Variants in SEPTIN9 observed in about 807,000 individuals in gnomAD.
The protein encoded by SEPTIN9 is septin 9, also known as septin-9.
A neutral mutation model predicts 56.6 loss-of-function variants in SEPTIN9; 13 were observed. The observed-to-expected ratio is 0.23, with a 90% confidence interval of 0.15 to 0.37. The LOEUF (loss-of-function observed/expected upper bound fraction) is 0.37. Among genes scored for constraint, SEPTIN9 ranks in the 10% least tolerant of loss-of-function variants. SEPTIN9 has a pLI of 1.00. For missense variants in SEPTIN9, 650 were observed against 823.1 expected (o/e 0.79, Z 2.57); for synonymous variants, 332 against 334.1 (o/e 0.99, Z 0.07).
chr17:77,437,789 C>T lies in SEPTIN9; in HGVS notation c.721+35086C>T, dbSNP rs1000531928. 6.6e-6 allele frequency among the ~76,000 whole-genome samples: 1 copy of T among 152,236 alleles called. No individual in the cohort carries two copies. The highest frequency in any genetic ancestry group is 6.5e-5 in the Admixed American group (1 of 15,288). On this transcript the variant is annotated intron_variant, in intron 3 of 11. Transcript: ENST00000427177. The surrounding 1 kb of genome is among the most constrained non-coding windows in gnomAD (Gnocchi z 5.3). ...CTGGGGAGGACTTTCTGCTGCCCCC[C>T]AACCCCTTTCGGGTACATTCTCCTG...
intron 3 of SEPTIN9, among the ~76,000 whole-genome samples, chr17:77,459,280 GCC>G (rs1320312994): frequency 6.6e-6 from 1 of 152,230 alleles, no homozygotes; most frequent in Non-Finnish European, 1.5e-5. Context: ...ACTGCCTGGT[GCC>G]ACCTCCCCAG....
At chr17:77,304,032 A>T (rs1354645430) in intron 1 of SEPTIN9, among the ~76,000 whole-genome samples, 1 of 152,242 alleles carries the variant, frequency 6.6e-6, no homozygotes, top group East Asian at 1.9e-4. Flanking sequence ...AAAATCACAT[A>T]AAGATAACTC....
At chr17:77,486,312 C>G (rs2039776327) in intron 4 of SEPTIN9, among the ~76,000 whole-genome samples, 1 of 151,966 alleles carries the variant, frequency 6.6e-6, no homozygotes, top group South Asian at 2.1e-4. Context: ...CTGTGTTGCC[C>G]AGGCTGGTCT....
In SEPTIN9 at chr17:77,487,352, G is replaced by A; in HGVS notation, c.914-72G>A. The stretch of plus-strand genomic sequence containing the variant: ...ACTGGAGAGCCTCGTGCCTGGGTGG[G>A]AGGGGCCCCATGTGCAGACCCTGCT... On this transcript the variant is annotated intron_variant, in intron 4 of 11. Transcript: ENST00000427177. The surrounding 1 kb of genome is among the most constrained non-coding windows in gnomAD (Gnocchi z 4.3). 1 of 1,523,942 alleles carries A rather than the reference G, an allele frequency of 6.6e-7. No individual in the cohort carries two copies. Among genetic ancestry groups the A allele is most frequent in the Non-Finnish European group, 8.9e-7 (1 of 1,123,904 alleles). 94.4% of individuals were successfully genotyped at this position (1,523,942 alleles called of 1,614,324 possible).
chr17:77,351,217 C>T (rs929737067), intron 2 of SEPTIN9, among the ~76,000 whole-genome samples: 2 of 142,206 alleles, frequency 1.4e-5, no homozygotes, highest in South Asian at 2.3e-4. Flanking sequence ...GGCACATGTG[C>T]GCGTGCACAC....
In SEPTIN9 at chr17:77,429,417, C is replaced by T. The variant is rs569039152; in HGVS notation, c.721+26714C>T. ...TCCGCCTGGGCTACAGCGTGCTCGC[C>T]GATTGCATTTGGGGAGGGACTGAGG... On this transcript the variant is annotated intron_variant, in intron 3 of 11. Transcript: ENST00000427177. The surrounding 1 kb of genome is among the most constrained non-coding windows in gnomAD (Gnocchi z 5.2). 4.2e-5 allele frequency: 17 copies of T among 401,182 alleles called. No homozygotes were observed. The highest frequency in any genetic ancestry group is 2.2e-4 in the East Asian group (3 of 13,720). The allele number at this position is 401,182 out of a possible 1,614,324, so 24.9% of individuals were successfully genotyped here. A position where few individuals can be genotyped will look rare whatever the true frequency, so the allele number is the denominator to read the frequency against.
chr17:77,479,041 G>A (rs1422408763), intron 3 of SEPTIN9, among the ~76,000 whole-genome samples: 1 of 152,184 alleles, frequency 6.6e-6, no homozygotes, highest in Non-Finnish European at 1.5e-5. Flanking sequence ...CTGGGGAGTT[G>A]TTTAATGAGG....
At chr17:77,432,787 C>T (rs748915763) in intron 3 of SEPTIN9, among the ~76,000 whole-genome samples, 22 of 152,238 alleles carry the variant, frequency 1.4e-4, no homozygotes, top group Non-Finnish European at 2.1e-4. Flanking sequence ...GAAGGTGGAA[C>T]GCTTTTTCTG....
intron 2 of SEPTIN9, among the ~76,000 whole-genome samples, chr17:77,347,467 A>G (rs1377269752): frequency 6.6e-6 from 1 of 151,922 alleles, no homozygotes; most frequent in East Asian, 1.9e-4. Flanking sequence ...ATGTATTTTG[A>G]AGCTCCTTTG....
rs2036693784 is a variant in SEPTIN9, at chr17:77,421,300, G to C, written c.721+18597G>C. ...TGAAATAAGACACCGCCCGTCTGTGGGGTGAGCAGGAACAGATTGGAACCG... is the reference window on the plus strand; with the variant it reads ...TGAAATAAGACACCGCCCGTCTGTGCGGTGAGCAGGAACAGATTGGAACCG... On this transcript the variant is annotated intron_variant, in intron 3 of 11. Transcript: ENST00000427177. This position sits in a 1 kb window ranked among gnomAD's most constrained non-coding sequence, Gnocchi z 4.6. 6.6e-6 allele frequency among the ~76,000 whole-genome samples: 1 copy of C among 152,206 alleles called. No individual in the cohort carries two copies. The highest frequency in any genetic ancestry group is 1.5e-5 in the Non-Finnish European group (1 of 68,036).
Position 77,319,622 on chromosome 17 carries a change from C to T in SEPTIN9, c.76+12425C>T, listed in dbSNP as rs574365489. The stretch of plus-strand genomic sequence containing the variant: ...TCAGCACGCTGGCCTGGGGCACGGC[C>T]GTTCCTCCTGCCCAGCCACGTTGGG... On this transcript the variant is annotated intron_variant, in intron 2 of 11. Coordinates refer to ENST00000427177, the MANE Select transcript of SEPTIN9 (RefSeq NM_001113491.2). The surrounding 1 kb of genome is among the most constrained non-coding windows in gnomAD (Gnocchi z 5.3). 1.5e-5 allele frequency: 16 copies of T among 1,062,310 alleles called. No individual in the cohort carries two copies. Among genetic ancestry groups the T allele is most frequent in the Middle Eastern group, 8.4e-4 (2 of 2,382 alleles). 65.8% of individuals were successfully genotyped at this position (1,062,310 alleles called of 1,614,324 possible).
rs953400014 is a variant in SEPTIN9 at position 77,317,876 on chromosome 17, C to T, written c.76+10679C>T. 7.9e-5 allele frequency among the ~76,000 whole-genome samples: 12 copies of T among 152,156 alleles called. No individual in the cohort carries two copies. The highest frequency in any genetic ancestry group is 2.9e-4 in the African/African-American group (12 of 41,520). ...GATCAGCCTGGCCAATATGGTGAAA[C>T]CCCGTTTCTACTAAAAATACAAAAA... On this transcript the variant is annotated intron_variant, in intron 2 of 11. Coordinates refer to ENST00000427177, the MANE Select transcript of SEPTIN9 (RefSeq NM_001113491.2). This position sits in a 1 kb window ranked among gnomAD's most constrained non-coding sequence, Gnocchi z 4.2.
At chr17:77,497,751 C>T in intron 11 of SEPTIN9, 1 of 317,328 alleles carries the variant, frequency 3.2e-6, no homozygotes. Flanking sequence ...ACCCCTTTCA[C>T]CTGGCTGAGG....
intron 1 of SEPTIN9, among the ~76,000 whole-genome samples, chr17:77,296,871 G>T (rs2031839929): frequency 6.6e-6 from 1 of 152,060 alleles, no homozygotes; most frequent in Non-Finnish European, 1.5e-5. Flanking sequence ...AAAAAAGATA[G>T]ATAGATGAAT....
intron 1 of SEPTIN9, among the ~76,000 whole-genome samples, chr17:77,283,164 T>TC (rs1232354157): frequency 1.3e-5 from 2 of 148,760 alleles, no homozygotes; most frequent in Non-Finnish European, 3.0e-5. Context: ...GGGTTTCTTT[T>TC]TTTTTTTTTT....
At chr17:77,334,722 T>C (rs1047460704) in intron 2 of SEPTIN9, among the ~76,000 whole-genome samples, 1 of 152,160 alleles carries the variant, frequency 6.6e-6, no homozygotes, top group Admixed American at 6.5e-5. Context: ...CTATGATTCC[T>C]TTTATTTTTT....
At chr17:77,281,951 G>A in intron 1 of SEPTIN9, 1 of 211,830 alleles carries the variant, frequency 4.7e-6, no homozygotes, top group Non-Finnish European at 9.5e-6. Flanking sequence ...GGTGGTCCAG[G>A]CCGCAGCATC....
At chr17:77,346,102 C>T (rs1017544704) in intron 2 of SEPTIN9, among the ~76,000 whole-genome samples, 7 of 151,846 alleles carry the variant, frequency 4.6e-5, no homozygotes, top group African/African-American at 1.5e-4. Flanking sequence ...CCACCATGCC[C>T]AGCTAATTTT....
At chr17:77,478,760 C>T (rs1030498950) in intron 3 of SEPTIN9, among the ~76,000 whole-genome samples, 1 of 149,720 alleles carries the variant, frequency 6.7e-6, no homozygotes, top group African/African-American at 2.5e-5. Flanking sequence ...GCCGAGATCG[C>T]GCCATTGCAC....
Sources: allele counts gnomAD v4.1 joint callset (sites outside exome capture counted in the v4.1 genomes callset), GRCh38; gene constraint gnomAD v4.1.1; non-coding constraint Gnocchi (gnomAD v3.1); transcripts MANE v1.5; gene names NCBI Gene and HGNC (gene_info 2026-07-23, HGNC 2026-07-21).